Variants in CDK8 observed in about 807,000 individuals in gnomAD.
CDK8 encodes cyclin-dependent kinase 8.
CDK8 carries 29 observed loss-of-function variants against 71.5 expected under a neutral mutation model. The ratio of observed to expected loss-of-function variants is 0.41; its 90% confidence interval spans 0.30 to 0.55. The LOEUF is 0.55. Ranked by LOEUF, CDK8 falls within the 20% of genes least tolerant of loss-of-function variation. The pLI is 0.37. For synonymous variants in CDK8, 161 were observed against 192.1 expected (o/e 0.84, Z 1.34); for missense variants, 288 against 572.6 (o/e 0.50, Z 5.07).
chr13:26,315,396 C>T (rs1386538880), intron 1 of CDK8, among the ~76,000 whole-genome samples: 1 of 152,126 alleles, frequency 6.6e-6, no homozygotes, highest in Non-Finnish European at 1.5e-5. Flanking sequence ...TAGATGAGCA[C>T]TGACAAGAGC....
intron 6 of CDK8, among the ~76,000 whole-genome samples, chr13:26,387,070 CT>C (rs1331441128): frequency 1.3e-5 from 2 of 152,186 alleles, no homozygotes; most frequent in Non-Finnish European, 2.9e-5. Flanking sequence ...CTTTATACTA[CT>C]TTTTTCTCAT....
In CDK8 at chr13:26,313,378, A is replaced by G. The variant is rs567679959; in HGVS notation, c.129-24189A>G. 2.0e-4 allele frequency among the ~76,000 whole-genome samples: 30 copies of G among 152,328 alleles called. No homozygotes were observed. In the South Asian group the frequency reaches 6.2e-3, roughly 32 times the overall value. ...ATTGATAATTTTTTGACTCAGACCA[A>G]TTCTTAAGAAATGGATAAAAAGTTT... On this transcript the variant is annotated intron_variant, in intron 1 of 12. Coordinates refer to ENST00000381527, the MANE Select transcript of CDK8 (RefSeq NM_001260.3).
At chr13:26,383,394 TG>T (rs1875325695) in intron 5 of CDK8, among the ~76,000 whole-genome samples, 1 of 152,196 alleles carries the variant, frequency 6.6e-6, no homozygotes, top group Non-Finnish European at 1.5e-5. Context: ...GAAAAAATAA[TG>T]GGCATTCTGT....
chr13:26,347,527 C>G (rs913315344), intron 2 of CDK8, among the ~76,000 whole-genome samples: 1 of 152,090 alleles, frequency 6.6e-6, no homozygotes, highest in Non-Finnish European at 1.5e-5. Context: ...TTTTATAAAT[C>G]ATATATTTGA....
At chr13:26,361,702 C>G (rs921671853) in intron 4 of CDK8, among the ~76,000 whole-genome samples, 2 of 149,446 alleles carry the variant, frequency 1.3e-5, no homozygotes, top group Non-Finnish European at 3.0e-5. Flanking sequence ...GAGATCATCT[C>G]TAATTTCTAG....
At chr13:26,320,715 A>T (rs536791378) in intron 1 of CDK8, among the ~76,000 whole-genome samples, 1 of 152,340 alleles carries the variant, frequency 6.6e-6, no homozygotes, top group Non-Finnish European at 1.5e-5. Flanking sequence ...TTGGCAAAGG[A>T]CTTGAATAAA....
chr13:26,375,494 G>A (rs1251649338), intron 4 of CDK8, among the ~76,000 whole-genome samples: 1 of 152,202 alleles, frequency 6.6e-6, no homozygotes, highest in African/African-American at 2.4e-5. Flanking sequence ...AACACCTGGA[G>A]AAGTAAATTT....
chr13:26,275,663 A>G (rs941400671), intron 1 of CDK8, among the ~76,000 whole-genome samples: 1 of 152,232 alleles, frequency 6.6e-6, no homozygotes, highest in African/African-American at 2.4e-5. Context: ...ATGTACTCCA[A>G]AGTAGAGACG....
intron 7 of CDK8, among the ~76,000 whole-genome samples, chr13:26,395,602 G>A (rs1383748205): frequency 3.3e-5 from 5 of 152,226 alleles, no homozygotes; most frequent in African/African-American, 1.2e-4. Context: ...ACATTATGTA[G>A]CATGTATTGT....
intron 1 of CDK8, among the ~76,000 whole-genome samples, chr13:26,314,615 T>C (rs561042977): frequency 2.1e-4 from 32 of 152,186 alleles, no homozygotes; most frequent in Non-Finnish European, 4.3e-4. Flanking sequence ...ATTGTAATAA[T>C]AGGGATGAAG....
At chr13:26,336,086 C>T (rs1279133891) in intron 1 of CDK8, among the ~76,000 whole-genome samples, 5 of 151,066 alleles carry the variant, frequency 3.3e-5, no homozygotes, top group African/African-American at 7.3e-5. Flanking sequence ...TCTCTTTCCT[C>T]GTGTGACTGC....
At chr13:26,328,196 G>T (rs1300977948) in intron 1 of CDK8, among the ~76,000 whole-genome samples, 2 of 152,106 alleles carry the variant, frequency 1.3e-5, no homozygotes, top group Non-Finnish European at 2.9e-5. Flanking sequence ...TGCAATGGCA[G>T]TTGTTTATGA....
At chr13:26,385,159 A>T (rs2138049693) in intron 5 of CDK8, 52 bp from the exon 6 acceptor site, 1 of 1,449,016 alleles carries the variant, frequency 6.9e-7, no homozygotes, top group Non-Finnish European at 9.5e-7. Context: ...CTAATTGGTT[A>T]GATTTGTAAA....
At chr13:26,277,476 T>C (rs1049530442) in intron 1 of CDK8, among the ~76,000 whole-genome samples, 5 of 152,170 alleles carry the variant, frequency 3.3e-5, no homozygotes, top group Admixed American at 2.0e-4. Flanking sequence ...CATAGTACCT[T>C]TTTACTTTTG....
chr13:26,388,493 A>G (rs950797877), intron 6 of CDK8, among the ~76,000 whole-genome samples: 3 of 152,210 alleles, frequency 2.0e-5, no homozygotes, highest in Admixed American at 6.5e-5. Context: ...AAGCAGTGTT[A>G]CTTTTGGTAA....
intron 1 of CDK8, among the ~76,000 whole-genome samples, chr13:26,308,700 C>T (rs1874149004): frequency 6.6e-6 from 1 of 152,196 alleles, no homozygotes. Context: ...CAAGTTACCA[C>T]GCTTTCACCT....
chr13:26,300,753 A>G (rs1032160008), intron 1 of CDK8, among the ~76,000 whole-genome samples: 2 of 152,228 alleles, frequency 1.3e-5, no homozygotes, highest in African/African-American at 2.4e-5. Context: ...ACTCTAGGGC[A>G]TAACTGTCCA....
chr13:26,387,773 A>G (rs1254718591), intron 6 of CDK8, among the ~76,000 whole-genome samples: 1 of 152,154 alleles, frequency 6.6e-6, no homozygotes, highest in Non-Finnish European at 1.5e-5. Flanking sequence ...TCTTCTTCTC[A>G]TTCAGACCTT....
chr13:26,317,878 AAAG>A (rs1332951765), intron 1 of CDK8, among the ~76,000 whole-genome samples: 1 of 152,140 alleles, frequency 6.6e-6, no homozygotes, highest in Non-Finnish European at 1.5e-5. Context: ...GGAGCTAGAA[AAAG>A]AAGAACAAAC....
Sources: gnomAD v4.1 joint callset for allele counts (sites outside exome capture counted in the v4.1 genomes callset) on GRCh38, gnomAD v4.1.1 for gene constraint, MANE v1.5 for transcripts, NCBI Gene and HGNC (gene_info 2026-07-23, HGNC 2026-07-21) for gene names.